RPL13A: variants seen among roughly 807,000 people sequenced by gnomAD.
RPL13A encodes ribosomal protein L13a.
In RPL13A, 4 loss-of-function variants were observed where a neutral mutation model predicts 30.8. That is an observed-to-expected ratio of 0.13 (90% CI 0.06 to 0.30). The LOEUF is 0.30. Ranked by LOEUF, RPL13A falls within the 10% of genes least tolerant of loss-of-function variation. The pLI, the probability that RPL13A is intolerant of heterozygous loss-of-function variation, is 1.00. For missense variants in RPL13A, 196 were observed against 272.6 expected (o/e 0.72, Z 1.98); for synonymous variants, 108 against 104.2 (o/e 1.04, Z -0.22).
intron 1 of RPL13A, among the ~76,000 whole-genome samples, chr19:49,489,562 C>T (rs974709756): frequency 6.6e-6 from 1 of 152,192 alleles, no homozygotes; most frequent in African/African-American, 2.4e-5. Flanking sequence ...CGTTCAAATC[C>T]AATTGCTTTG....
In RPL13A at chr19:49,491,974, C is replaced by T. The variant is rs181151870; in HGVS notation, c.*159C>T. On this transcript the variant is annotated 3_prime_UTR_variant, in exon 8 of 8. Coordinates refer to ENST00000391857, the MANE Select transcript of RPL13A (RefSeq NM_012423.4). ...GGAAAGGGTCTTAGTCACTGCCTCC[C>T]GAAGTTGCTTGAAAGCACTCGGAGA... The T allele has an allele frequency of 8.3e-4, 507 of 609,372 alleles. 2 individuals carry two copies. The African/African-American group carries it at 8.4e-3, about 10-fold the overall frequency. The allele number at this position is 609,372 out of a possible 1,614,324, so 37.7% of individuals were successfully genotyped here. A position where few individuals can be genotyped will look rare whatever the true frequency, so the allele number is the denominator to read the frequency against.
Position 49,490,529 on chromosome 19 carries a change from C to G in RPL13A, c.209C>G (p.Pro70Arg). 6.2e-7 allele frequency: 1 copy of G among 1,614,160 alleles called. No homozygotes were observed. Among genetic ancestry groups the G allele is most frequent in the Non-Finnish European group, 8.5e-7 (1 of 1,180,046 alleles). The change falls in exon 4 of 8, where the codon CCC (proline) becomes CGC (arginine). Residue 70 changes from proline (P) to arginine (R), a missense_variant. Transcript: ENST00000391857. The part of the protein sequence containing the change: ...KRMNTNPSRG[P>R]YHFRAPSRIF... ...ATGAACACCAACCCTTCCCGAGGCCCCTACCACTTCCGGGCCCCCAGCCGC... is the reference window on the plus strand; with the variant it reads ...ATGAACACCAACCCTTCCCGAGGCCGCTACCACTTCCGGGCCCCCAGCCGC...
In RPL13A at chr19:49,491,057, T is replaced by C; in HGVS notation, c.360T>C (p.Val120=). 1 of 1,614,250 alleles carries C rather than the reference T, an allele frequency of 6.2e-7. No individual in the cohort carries two copies. The highest frequency in any genetic ancestry group is 8.5e-7 in the Non-Finnish European group (1 of 1,180,038). ...TCTAACAGAAAAAGCGGATGGTGGT[T>C]CCTGCTGCCCTCAAGGTCGTGCGTC... The part of the protein sequence containing the change: ...PPYDKKKRMV[V]PAALKVVRLK... Residue 120 remains valine (V), a synonymous_variant, in exon 6 of 8, where the codon GTT becomes GTC. Transcript: ENST00000391857.
At chr19:49,490,702 C>T (rs768747752) in intron 4 of RPL13A, 77 bp from the exon 5 acceptor site, 2 of 1,586,446 alleles carry the variant, frequency 1.3e-6, no homozygotes, top group East Asian at 4.5e-5. Context: ...GAGGCCACCC[C>T]ATGGGCCCAC....
intron 7 of RPL13A, 44 bp from the exon 8 acceptor site, chr19:49,491,685 T>C: frequency 3.8e-6 from 6 of 1,593,848 alleles, no homozygotes; most frequent in Non-Finnish European, 5.1e-6. Context: ...ATGAGGGCAA[T>C]GCAACCCCTC....
chr19:49,487,987 T>C (rs1300118143), intron 1 of RPL13A, among the ~76,000 whole-genome samples: 2 of 151,702 alleles, frequency 1.3e-5, no homozygotes, highest in East Asian at 1.9e-4. Flanking sequence ...TCCTCAGCGA[T>C]GAGGAACACG....
rs767007569 is a variant in RPL13A at position 49,489,830 on chromosome 19, T to G, written c.16-20T>G. On this transcript the variant is annotated intron_variant, in intron 1 of 7. Coordinates refer to ENST00000391857, the MANE Select transcript of RPL13A (RefSeq NM_012423.4). ...AAGGCTGTCCTTGTCTCTGAGTCCTTTTGCCCTTGTCTCCCACAGGTCCTG... is the reference window on the plus strand; with the variant it reads ...AAGGCTGTCCTTGTCTCTGAGTCCTGTTGCCCTTGTCTCCCACAGGTCCTG... 9 of 1,552,872 alleles carry G rather than the reference T, an allele frequency of 5.8e-6. No individual in the cohort carries two copies. Among genetic ancestry groups the G allele is most frequent in the Non-Finnish European group, 7.7e-6 (9 of 1,170,400 alleles).
At chr19:49,489,970 C>A in intron 2 of RPL13A, 48 bp downstream of exon 2, 2 of 1,392,970 alleles carry the variant, frequency 1.4e-6, no homozygotes, top group African/African-American at 1.4e-5. Context: ...CGCTGGAGGT[C>A]AGTGATGAGC....
chr19:49,487,684 T>G (rs1601156728), intron 1 of RPL13A, 40 bp downstream of exon 1: 1 of 1,500,874 alleles, frequency 6.7e-7, no homozygotes, highest in Non-Finnish European at 8.9e-7. Context: ...AGGGGCCGGG[T>G]GGGATCCAGG....
chr19:49,487,735 G>T (rs78663425), intron 1 of RPL13A, 91 bp downstream of exon 1: 32,465 of 1,316,974 alleles, frequency 0.025, 470 homozygotes, highest in South Asian at 0.04. Context: ...CATGTTTTGC[G>T]GAGCTTAACA....
At chr19:49,491,229 G>A (rs542203553) in intron 6 of RPL13A, 130 bp downstream of exon 6, 29 of 1,273,986 alleles carry the variant, frequency 2.3e-5, no homozygotes, top group Admixed American at 1.8e-4. Context: ...TGGGAATGGC[G>A]ACAATGCCAA....
intron 1 of RPL13A, among the ~76,000 whole-genome samples, chr19:49,488,083 G>C (rs1456310189): frequency 3.3e-5 from 5 of 152,164 alleles, no homozygotes; most frequent in Admixed American, 2.0e-4. Context: ...TCAGTGCGCG[G>C]GCTACTTTGA....
chr19:49,490,767 G>A lies in RPL13A; in HGVS notation c.257-12G>A. On this transcript the variant is annotated splice_polypyrimidine_tract_variant and intron_variant, in intron 4 of 7. Coordinates refer to ENST00000391857, the MANE Select transcript of RPL13A (RefSeq NM_012423.4). ...GGCCCTCTGACTGGGCCTGCTATCT[G>A]TCACCCAACAGGTATGCTGCCCCAC... 6 of 1,614,108 alleles carry A rather than the reference G, an allele frequency of 3.7e-6. No individual in the cohort carries two copies. Among genetic ancestry groups the A allele is most frequent in the Non-Finnish European group, 5.1e-6 (6 of 1,180,012 alleles).
chr19:49,489,993 CTT>C (rs1252346606), intron 2 of RPL13A, 71 bp downstream of exon 2: 5 of 1,283,456 alleles, frequency 3.9e-6, no homozygotes, highest in African/African-American at 1.5e-5. Flanking sequence ...CATTCACCAT[CTT>C]TCGTTTGAGT....
chr19:49,490,555 A>G lies in RPL13A; in HGVS notation c.235A>G (p.Ile79Val). 1.9e-6 allele frequency: 3 copies of G among 1,614,140 alleles called. No homozygotes were observed. The highest frequency in any genetic ancestry group is 2.5e-6 in the Non-Finnish European group (3 of 1,180,034). Residue 79 changes from isoleucine to valine, a missense_variant, in exon 4 of 8, where the codon ATC becomes GTC. Transcript: ENST00000391857. Reference sequence around the variant, plus strand: ...CTACCACTTCCGGGCCCCCAGCCGCATCTTCTGGCGGACCGTGCGAGGTGA... The same window carrying G: ...CTACCACTTCCGGGCCCCCAGCCGCGTCTTCTGGCGGACCGTGCGAGGTGA... The part of the protein sequence containing the change: ...GPYHFRAPSR[I>V]FWRTVRGMLP...
chr19:49,488,294 A>C (rs1408434486), intron 1 of RPL13A, among the ~76,000 whole-genome samples: 1 of 152,022 alleles, frequency 6.6e-6, no homozygotes, highest in African/African-American at 2.4e-5. Flanking sequence ...CAAGGATGGG[A>C]CATCTTTTGG....
intron 1 of RPL13A, among the ~76,000 whole-genome samples, chr19:49,489,469 CCT>C (rs1374443321): frequency 2.0e-5 from 3 of 152,162 alleles, no homozygotes; most frequent in Non-Finnish European, 2.9e-5. Context: ...ACAGCGAGAC[CCT>C]GTCTCAAAAC....
rs2079876264 is a variant in RPL13A, at chr19:49,491,998, G to T, written c.*183G>T. ...CCGAAGTTGCTTGAAAGCACTCGGAGAATTGTGCAGGTGTCATTTATCTAT... is the reference window on the plus strand; with the variant it reads ...CCGAAGTTGCTTGAAAGCACTCGGATAATTGTGCAGGTGTCATTTATCTAT... On this transcript the variant is annotated 3_prime_UTR_variant, in exon 8 of 8. Transcript: ENST00000391857. 6 of 584,284 alleles carry T rather than the reference G, an allele frequency of 1.0e-5. No individual in the cohort carries two copies. In the South Asian group the frequency reaches 1.2e-4, roughly 12 times the overall value. 36.2% of individuals were successfully genotyped at this position (584,284 alleles called of 1,614,324 possible). A position where few individuals can be genotyped will look rare whatever the true frequency, so the allele number is the denominator to read the frequency against.
intron 1 of RPL13A, among the ~76,000 whole-genome samples, chr19:49,488,875 T>C (rs1006729505): frequency 2.6e-5 from 4 of 152,180 alleles, no homozygotes; most frequent in African/African-American, 9.7e-5. Flanking sequence ...TTGGCTAATT[T>C]TTGTGTTTTT....
Sources: gnomAD v4.1 joint callset for allele counts (sites outside exome capture counted in the v4.1 genomes callset) on GRCh38, gnomAD v4.1.1 for gene constraint, MANE v1.5 for transcripts, NCBI Gene and HGNC (gene_info 2026-07-23, HGNC 2026-07-21) for gene names.